SPTBN1: variants seen among roughly 807,000 people sequenced by gnomAD.
SPTBN1 encodes the protein spectrin beta, non-erythrocytic 1.
In SPTBN1, 32 loss-of-function variants were observed where a neutral mutation model predicts 266.4. The observed-to-expected ratio is 0.12, with a 90% CI of 0.09 to 0.16. The LOEUF (loss-of-function observed/expected upper bound fraction) is 0.16, where lower values mean the gene tolerates loss of function less well. Among genes scored for constraint, SPTBN1 ranks in the 10% least tolerant of loss-of-function variants. The pLI is 1.00. For missense variants in SPTBN1, 2,296 were observed against 3,067.1 expected, an observed-to-expected ratio of 0.75 and a Z score of 5.94; for synonymous variants, 1,336 against 1,162.2, an observed-to-expected ratio of 1.15 and a Z score of -3.04.
At chr2:54,481,382 A>G (rs946237039) in intron 1 of SPTBN1, among the ~76,000 whole-genome samples, 1 of 146,602 alleles carries the variant, frequency 6.8e-6, no homozygotes, top group Non-Finnish European at 1.5e-5. Flanking sequence ...TAGAGGCTGC[A>G]GAAACCTGAG....
intron 27 of SPTBN1, among the ~76,000 whole-genome samples, chr2:54,654,336 G>T (rs1019270255): frequency 5.3e-5 from 8 of 152,064 alleles, no homozygotes; most frequent in African/African-American, 1.9e-4. Flanking sequence ...GTGTCCTTGG[G>T]TTATTATTTA....
rs114418835 is a variant in SPTBN1, at chr2:54,468,470, G to A, written c.-48+11952G>A. On this transcript the variant is annotated intron_variant, in intron 1 of 35. Transcript: ENST00000356805. Reference sequence around the variant, plus strand: ...AGGGCCAATCCTCCAATCTTAAACTGAAGATGTAGAGTTTTGACAGTCTCT... The same window carrying A: ...AGGGCCAATCCTCCAATCTTAAACTAAAGATGTAGAGTTTTGACAGTCTCT... Among the ~76,000 whole-genome samples the A allele has an allele frequency of 6.5e-3, 980 of 151,860 alleles. 13 individuals carry two copies. The highest frequency in any genetic ancestry group is 0.023 in the African/African-American group (951 of 41,362).
At chr2:54,487,832 C>CTTTTTTTTTTTTTTTTTT (rs70944169) in intron 1 of SPTBN1, among the ~76,000 whole-genome samples, 773 of 68,614 alleles carry the variant, frequency 0.011, 33 homozygotes, top group South Asian at 0.013. Context: ...CCTCCTGTGT[C>CTTTTTTTTTTTTTTTTTT]TTTTTTTTTT....
chr2:54,511,781 G>T (rs1216730959), intron 1 of SPTBN1, among the ~76,000 whole-genome samples: 1 of 152,122 alleles, frequency 6.6e-6, no homozygotes, highest in East Asian at 1.9e-4. Flanking sequence ...TGAGGCAGGA[G>T]AACCTCTTGA....
At chr2:54,605,903 C>T (rs1676806618) in intron 3 of SPTBN1, among the ~76,000 whole-genome samples, 1 of 152,206 alleles carries the variant, frequency 6.6e-6, no homozygotes, top group Admixed American at 6.5e-5. Context: ...CTGGCACAGC[C>T]AGTCGCCATC....
intron 2 of SPTBN1, among the ~76,000 whole-genome samples, chr2:54,555,296 C>T (rs1672802663): frequency 6.6e-6 from 1 of 152,168 alleles, no homozygotes. Context: ...TTCCACATCC[C>T]TGACTGCTCC....
intron 1 of SPTBN1, among the ~76,000 whole-genome samples, chr2:54,473,486 T>C (rs1694028964): frequency 6.7e-6 from 1 of 149,404 alleles, no homozygotes; most frequent in South Asian, 2.2e-4. Context: ...TCCCTTTTAT[T>C]GGACATCTCC....
At chr2:54,603,297 G>A (rs1366927610) in intron 3 of SPTBN1, among the ~76,000 whole-genome samples, 2 of 152,146 alleles carry the variant, frequency 1.3e-5, no homozygotes, top group South Asian at 2.1e-4. Flanking sequence ...AGGAACTGGC[G>A]CAGGGCAAGT....
chr2:54,647,619 G>A (rs1326450945), intron 24 of SPTBN1, among the ~76,000 whole-genome samples: 1 of 152,154 alleles, frequency 6.6e-6, no homozygotes, highest in African/African-American at 2.4e-5. Flanking sequence ...TGGGAGGATT[G>A]CTTGAGCCCA....
At chr2:54,495,439 T>C (rs943224268) in intron 1 of SPTBN1, among the ~76,000 whole-genome samples, 6 of 152,148 alleles carry the variant, frequency 3.9e-5, no homozygotes, top group Admixed American at 1.3e-4. Flanking sequence ...CAGTTCTGCG[T>C]TGTCCAGGAA....
intron 3 of SPTBN1, among the ~76,000 whole-genome samples, chr2:54,604,900 C>T (rs1391408509): frequency 6.6e-6 from 1 of 152,290 alleles, no homozygotes; most frequent in East Asian, 1.9e-4. Context: ...TCTCTGCCTG[C>T]AGAGCCCCGA....
chr2:54,633,442 T>G (rs1033122183), intron 17 of SPTBN1, among the ~76,000 whole-genome samples: 1 of 152,206 alleles, frequency 6.6e-6, no homozygotes, highest in South Asian at 2.1e-4. Flanking sequence ...TGTGTCTGTC[T>G]GTCTGTCTGA....
chr2:54,650,519 C>A (rs1026024508), intron 26 of SPTBN1, among the ~76,000 whole-genome samples: 4 of 152,156 alleles, frequency 2.6e-5, no homozygotes, highest in African/African-American at 9.7e-5. Flanking sequence ...GATCTCTGCA[C>A]AGTTTCTTGT....
chr2:54,486,718 TA>T (rs999327326), intron 1 of SPTBN1, among the ~76,000 whole-genome samples: 6 of 138,646 alleles, frequency 4.3e-5, no homozygotes, highest in African/African-American at 8.1e-5. Context: ...AATGATCAAT[TA>T]AAAAAAAATA....
At chr2:54,553,630 AAC>A (rs2104441546) in intron 2 of SPTBN1, among the ~76,000 whole-genome samples, 1 of 152,352 alleles carries the variant, frequency 6.6e-6, no homozygotes, top group Admixed American at 6.5e-5. Context: ...AATTTGACAA[AAC>A]ACAATCCTAT....
intron 1 of SPTBN1, among the ~76,000 whole-genome samples, chr2:54,472,046 G>C (rs1415054905): frequency 1.9e-4 from 1 of 5,394 alleles, no homozygotes; most frequent in African/African-American, 9.3e-4. Context: ...TTTTTTTTTT[G>C]AGACTGAGTC....
chr2:54,514,584 A>G (rs960979973), intron 1 of SPTBN1, among the ~76,000 whole-genome samples: 1 of 152,214 alleles, frequency 6.6e-6, no homozygotes, highest in Non-Finnish European at 1.5e-5. Flanking sequence ...CTGCTCCCCT[A>G]AAGTACACAC....
At chr2:54,530,760 C>G (rs1316575637) in intron 2 of SPTBN1, among the ~76,000 whole-genome samples, 7 of 152,162 alleles carry the variant, frequency 4.6e-5, no homozygotes, top group Non-Finnish European at 7.3e-5. Flanking sequence ...TATATTTGGT[C>G]TTTGTTCTGG....
chr2:54,612,448 A>G, intron 4 of SPTBN1, 114 bp downstream of exon 4: 2 of 1,254,256 alleles, frequency 1.6e-6, no homozygotes, highest in South Asian at 1.7e-5. Context: ...GGTTGAAAGC[A>G]TGTCTCAGAG....
Sources: allele counts gnomAD v4.1 joint callset (sites outside exome capture counted in the v4.1 genomes callset), GRCh38; gene constraint gnomAD v4.1.1; transcripts MANE v1.5; gene names NCBI Gene and HGNC (gene_info 2026-07-23, HGNC 2026-07-21).